Variants in GPR146 observed in about 807,000 individuals in gnomAD.
GPR146 encodes the protein G protein-coupled receptor 146, also known as G-protein coupled receptor 146.
For missense variants in GPR146, 381 were observed against 213.9 expected, an observed-to-expected ratio of 1.78 and a Z score of -4.87; for synonymous variants, 203 against 104.3, an observed-to-expected ratio of 1.95 and a Z score of -5.77.
At chr7:1,044,849 C>T (rs1563041929) in intron 1 of GPR146, among the ~76,000 whole-genome samples, 191 bp downstream of exon 1, 1 of 152,152 alleles carries the variant, frequency 6.6e-6, no homozygotes, top group East Asian at 1.9e-4. Context: ...CCTCCGGCCG[C>T]GCTCCGAGCT....
intron 1 of GPR146, chr7:1,055,149 G>A (rs1783591594): frequency 6.9e-6 from 3 of 437,870 alleles, no homozygotes; most frequent in Non-Finnish European, 1.4e-5. Flanking sequence ...GAGGCCAGCT[G>A]TGCTCAGTTT....
At chr7:1,051,738 C>CT (rs755393379) in intron 1 of GPR146, among the ~76,000 whole-genome samples, 3 of 152,238 alleles carry the variant, frequency 2.0e-5, no homozygotes, top group Non-Finnish European at 4.4e-5. Flanking sequence ...CTTTGGGAGA[C>CT]TGAGGCAGGA....
chr7:1,056,468 A>G, intron 1 of GPR146: 1 of 152,088 alleles, frequency 6.6e-6, no homozygotes. Context: ...TCCCACATCT[A>G]CCCACCCGCC....
chr7:1,049,357 T>C (rs1782882815), intron 1 of GPR146, among the ~76,000 whole-genome samples: 1 of 152,228 alleles, frequency 6.6e-6, no homozygotes, highest in Admixed American at 6.5e-5. Flanking sequence ...CGGCACCCTC[T>C]TGTGCTTCAC....
In GPR146 at chr7:1,057,909, G is replaced by T. The variant is rs1219267556; in HGVS notation, c.394G>T (p.Ala132Ser). Residue 132 changes from alanine (A) to serine (S), a missense_variant, in exon 2 of 2, where the codon GCA becomes TCA. Transcript: ENST00000444847. ...LLSLDHYIERALPRTYMASVY... is the reference protein window; with the variant it reads ...LLSLDHYIERSLPRTYMASVY... The stretch of plus-strand genomic sequence containing the variant: ...GAGCCTCGACCACTACATCGAGCGT[G>T]CACTGCCGCGGACCTACATGGCCAG... The T allele has an allele frequency of 1.3e-6, 1 of 775,626 alleles. No individual in the cohort carries two copies. Among genetic ancestry groups the T allele is most frequent in the Non-Finnish European group, 2.4e-6 (1 of 418,062 alleles). 48.0% of individuals were successfully genotyped at this position (775,626 alleles called of 1,614,324 possible).
intron 1 of GPR146, among the ~76,000 whole-genome samples, chr7:1,046,565 G>A (rs1782600017): frequency 6.6e-6 from 1 of 152,180 alleles, no homozygotes; most frequent in Non-Finnish European, 1.5e-5. Context: ...AACCCAGTCT[G>A]GAGAGTAGAA....
intron 1 of GPR146, among the ~76,000 whole-genome samples, chr7:1,053,302 G>A (rs1375485175): frequency 6.6e-6 from 1 of 152,262 alleles, no homozygotes; most frequent in Non-Finnish European, 1.5e-5. Flanking sequence ...ACGCAGGTGT[G>A]GCGACGGCGG....
chr7:1,057,690 A>G lies in GPR146; in HGVS notation c.175A>G (p.Met59Val), dbSNP rs1308268501. 4 of 774,106 alleles carry G rather than the reference A, an allele frequency of 5.2e-6. No homozygotes were observed. The highest frequency in any genetic ancestry group is 5.1e-5 in the African/African-American group (3 of 59,066). The allele number at this position is 774,106 out of a possible 1,614,324, so 48.0% of individuals were successfully genotyped here. The change falls in exon 2 of 2, where the codon ATG becomes GTG. Residue 59 changes from methionine (M) to valine (V), a missense_variant. Transcript: ENST00000444847. Reference protein sequence around the residue: ...VLANLHSKASMTMPDVYFVNM... With the variant: ...VLANLHSKASVTMPDVYFVNM... ...GGCCAACCTACACAGCAAGGCCAGC[A>G]TGACCATGCCGGACGTGTACTTTGT... is the stretch of plus-strand genomic sequence containing the variant.
At chr7:1,056,734 T>A (rs947995088) in intron 1 of GPR146, 1 of 152,202 alleles carries the variant, frequency 6.6e-6, no homozygotes, top group African/African-American at 2.4e-5. Context: ...CGATGCCGTC[T>A]GCTCGTCTGC....
chr7:1,052,843 C>G lies in GPR146; in HGVS notation c.-24-4649C>G, dbSNP rs1391973518. Reference sequence around the variant, plus strand: ...TGGGGTTGGGGGGCAGGCGGCCCTTCTCTGTGGTCTCTCCTGCCTTCTGAG... The same window carrying G: ...TGGGGTTGGGGGGCAGGCGGCCCTTGTCTGTGGTCTCTCCTGCCTTCTGAG... On this transcript the variant is annotated intron_variant, in intron 1 of 1. Transcript: ENST00000444847. This position sits in a 1 kb window ranked among gnomAD's most constrained non-coding sequence, Gnocchi z 4.2. Among the ~76,000 whole-genome samples the G allele has an allele frequency of 1.3e-5, 2 of 152,180 alleles. No homozygotes were observed. The highest frequency in any genetic ancestry group is 2.4e-5 in the African/African-American group (1 of 41,446).
At position 1,058,007 on chromosome 7, in the gene GPR146, C is replaced by T. The variant is rs1412977245; in HGVS notation, c.492C>T (p.Leu164=). The change falls in exon 2 of 2, where the codon CTC becomes CTT. Residue 164 remains leucine (L), a synonymous_variant. Transcript: ENST00000444847. ...GALLTSFSSL[L]FYICSHVSTR... ...TGCTGACCAGCTTCTCCTCGCTGCTCTTCTACATCTGCAGCCATGTGTCCA... is the reference window on the plus strand; with the variant it reads ...TGCTGACCAGCTTCTCCTCGCTGCTTTTCTACATCTGCAGCCATGTGTCCA... 1 of 770,120 alleles carries T rather than the reference C, an allele frequency of 1.3e-6. No individual in the cohort carries two copies. The highest frequency in any genetic ancestry group is 2.4e-6 in the Non-Finnish European group (1 of 417,956). The allele number at this position is 770,120 out of a possible 1,614,324, so 47.7% of individuals were successfully genotyped here.
In GPR146 at chr7:1,053,332, G is replaced by C. The variant is rs533922616; in HGVS notation, c.-24-4160G>C. Among the ~76,000 whole-genome samples, 3 of 152,372 alleles carry C rather than the reference G, an allele frequency of 2.0e-5. No homozygotes were observed. The South Asian group carries it at 6.2e-4, about 32-fold the overall frequency. On this transcript the variant is annotated intron_variant, in intron 1 of 1. Transcript: ENST00000444847. ...CGGCGGGGGAGGGGCGTCCACAGTA[G>C]AGCCCAGAACCTTGCGCAGGACAGG...
chr7:1,058,098 G>A lies in GPR146; in HGVS notation c.583G>A (p.Gly195Ser), dbSNP rs765304024. 11 of 764,648 alleles carry A rather than the reference G, an allele frequency of 1.4e-5. No homozygotes were observed. Among genetic ancestry groups the A allele is most frequent in the East Asian group, 7.3e-5 (3 of 41,186 alleles). The allele number at this position is 764,648 out of a possible 1,614,324, so 47.4% of individuals were successfully genotyped here. A position where few individuals can be genotyped will look rare whatever the true frequency, so the allele number is the denominator to read the frequency against. The change falls in exon 2 of 2, where the codon GGC (glycine) becomes AGC (serine). Residue 195 changes from glycine (G) to serine (S), a missense_variant. Physicochemically the swap from Gly to Ser is moderately conservative, Grantham distance 56. Transcript: ENST00000444847. ...EAADATLVFI[G>S]YVVPALATLY... Reference sequence around the variant, plus strand: ...TGCCGACGCCACGCTGGTGTTCATCGGCTACGTGGTGCCAGCACTGGCCAC... The same window carrying A: ...TGCCGACGCCACGCTGGTGTTCATCAGCTACGTGGTGCCAGCACTGGCCAC...
intron 1 of GPR146, among the ~76,000 whole-genome samples, chr7:1,053,731 G>A (rs145000732): frequency 0.013 from 1,977 of 152,342 alleles, 29 homozygotes; most frequent in South Asian, 0.04. Context: ...GGAGGCTGAG[G>A]CAGGAGAATC....
chr7:1,058,346 G>A lies in GPR146; in HGVS notation c.831G>A (p.Val277=), dbSNP rs370550181. 9.0e-6 allele frequency: 7 copies of A among 779,114 alleles called. No homozygotes were observed. Among genetic ancestry groups the A allele is most frequent in the African/African-American group, 1.7e-5 (1 of 59,270 alleles). The allele number at this position is 779,114 out of a possible 1,614,324, so 48.3% of individuals were successfully genotyped here. A position where few individuals can be genotyped will look rare whatever the true frequency, so the allele number is the denominator to read the frequency against. The change falls in exon 2 of 2, where the codon GTG becomes GTA. Residue 277 remains valine, a synonymous_variant. Coordinates refer to ENST00000444847, the MANE Select transcript of GPR146 (RefSeq NM_001303473.2). ...ACTACCTGGGGCTACTGCACTTTGT[G>A]AAGGATTTCTCCAAACTCCTGGCCT... ...DAHYLGLLHF[V]KDFSKLLAFS...
chr7:1,049,644 G>A (rs1294322070), intron 1 of GPR146, among the ~76,000 whole-genome samples: 2 of 152,196 alleles, frequency 1.3e-5, no homozygotes, highest in Non-Finnish European at 2.9e-5. Flanking sequence ...CCTGCAGACA[G>A]CAGGGCACGG....
Position 1,053,322 on chromosome 7 carries a change from G to A in GPR146, c.-24-4170G>A, listed in dbSNP as rs377182748. ...GGTGTGGCGACGGCGGGGGAGGGGC[G>A]TCCACAGTAGAGCCCAGAACCTTGC... On this transcript the variant is annotated intron_variant, in intron 1 of 1. Transcript: ENST00000444847. Among the ~76,000 whole-genome samples, 12 of 152,358 alleles carry A rather than the reference G, an allele frequency of 7.9e-5. No homozygotes were observed. In the East Asian group the frequency reaches 1.5e-3, roughly 20 times the overall value.
At chr7:1,054,159 A>C (rs1412068882) in intron 1 of GPR146, among the ~76,000 whole-genome samples, 1 of 152,184 alleles carries the variant, frequency 6.6e-6, no homozygotes, top group African/African-American at 2.4e-5. Context: ...CTTCCCTCCC[A>C]AGATCTCCAG....
intron 1 of GPR146, among the ~76,000 whole-genome samples, chr7:1,050,473 G>A (rs74652290): frequency 0.13 from 19,059 of 152,282 alleles, 1,330 homozygotes; most frequent in Middle Eastern, 0.21. Context: ...TGGGAGTCTG[G>A]CACTTTTTGG....
Sources: gnomAD v4.1 joint callset for allele counts (sites outside exome capture counted in the v4.1 genomes callset) on GRCh38, gnomAD v4.1.1 for gene constraint, Gnocchi (gnomAD v3.1) non-coding constraint, MANE v1.5 for transcripts, NCBI Gene and HGNC (gene_info 2026-07-23, HGNC 2026-07-21) for gene names.